CNTNAP2: variants seen among roughly 807,000 people sequenced by gnomAD.
CNTNAP2 encodes contactin-associated protein-like 2.
In CNTNAP2, 98 loss-of-function variants were observed where a neutral mutation model predicts 155.2. That is an observed-to-expected ratio of 0.63 (90% CI 0.54 to 0.75). The LOEUF (loss-of-function observed/expected upper bound fraction) is 0.75, where lower values mean the gene tolerates loss of function less well. CNTNAP2 is among the 30% of genes least tolerant of loss of function. The probability of loss-of-function intolerance (pLI) is 0.00; values close to 1 mark genes in which losing one functional copy is unlikely to be tolerated. For missense variants in CNTNAP2, 1,727 were observed against 1,688.1 expected (o/e 1.02, Z -0.40); for synonymous variants, 651 against 631.2 (o/e 1.03, Z -0.47).
intron 4 of CNTNAP2, among the ~76,000 whole-genome samples, chr7:147,060,592 G>A (rs570041139): frequency 1.3e-5 from 2 of 152,096 alleles, no homozygotes; most frequent in African/African-American, 2.4e-5. Flanking sequence ...GGCCGGGCGC[G>A]GTGGCTCACG....
At chr7:146,947,573 A>G (rs1797212997) in intron 3 of CNTNAP2, among the ~76,000 whole-genome samples, 3 of 25,462 alleles carry the variant, frequency 1.2e-4, no homozygotes, top group African/African-American at 2.3e-4. Flanking sequence ...ATATATATAT[A>G]TACATATATA....
chr7:148,307,113 G>T (rs191942519), intron 21 of CNTNAP2, among the ~76,000 whole-genome samples: 4 of 152,258 alleles, frequency 2.6e-5, no homozygotes, highest in Admixed American at 2.0e-4. Flanking sequence ...GGACTGCGAG[G>T]TTCAAGATTC....
chr7:147,522,252 G>A (rs944396894), intron 11 of CNTNAP2, among the ~76,000 whole-genome samples: 1 of 152,184 alleles, frequency 6.6e-6, no homozygotes, highest in Admixed American at 6.5e-5. Context: ...GAACTTGGAG[G>A]ACACACGAAT....
intron 1 of CNTNAP2, among the ~76,000 whole-genome samples, chr7:146,368,857 T>C (rs1795191523): frequency 6.7e-6 from 1 of 150,326 alleles, no homozygotes; most frequent in South Asian, 2.1e-4. Flanking sequence ...TACATATATA[T>C]ATATATATAG....
chr7:147,563,710 A>T (rs1463894881), intron 12 of CNTNAP2, among the ~76,000 whole-genome samples: 1 of 152,130 alleles, frequency 6.6e-6, no homozygotes, highest in African/African-American at 2.4e-5. Flanking sequence ...CAGCCCATGG[A>T]TCTTCTGGCT....
intron 8 of CNTNAP2, among the ~76,000 whole-genome samples, chr7:147,184,069 G>C (rs941034043): frequency 6.6e-6 from 1 of 152,124 alleles, no homozygotes; most frequent in Non-Finnish European, 1.5e-5. Context: ...AAAATTATTA[G>C]AAGAAAGAGT....
At chr7:146,751,740 T>G (rs973018562) in intron 1 of CNTNAP2, among the ~76,000 whole-genome samples, 10 of 152,032 alleles carry the variant, frequency 6.6e-5, no homozygotes, top group Non-Finnish European at 1.5e-4. Flanking sequence ...AAGCCCCACA[T>G]GCGTTAGGTA....
chr7:147,275,461 C>A (rs1204513387), intron 8 of CNTNAP2, among the ~76,000 whole-genome samples: 9 of 151,256 alleles, frequency 6.0e-5, no homozygotes, highest in South Asian at 2.1e-4. Context: ...AAATTGAGTT[C>A]TTGATTTGGT....
chr7:147,862,814 C>T (rs1034197804), intron 13 of CNTNAP2, among the ~76,000 whole-genome samples: 3 of 151,986 alleles, frequency 2.0e-5, no homozygotes, highest in African/African-American at 7.3e-5. Context: ...ATATAGCTAC[C>T]TCTAGGAATT....
intron 1 of CNTNAP2, among the ~76,000 whole-genome samples, chr7:146,338,498 T>C (rs1442949841): frequency 6.6e-6 from 1 of 152,112 alleles, no homozygotes; most frequent in Non-Finnish European, 1.5e-5. Context: ...CCCATCTAAT[T>C]TTGGAAAACA....
At chr7:148,293,784 C>T (rs1336028032) in intron 21 of CNTNAP2, among the ~76,000 whole-genome samples, 2 of 152,060 alleles carry the variant, frequency 1.3e-5, no homozygotes, top group Non-Finnish European at 2.9e-5. Flanking sequence ...TCTGTAATCC[C>T]AGCACTTTGG....
intron 13 of CNTNAP2, among the ~76,000 whole-genome samples, chr7:147,861,821 G>A (rs1799137905): frequency 6.6e-6 from 1 of 151,964 alleles, no homozygotes; most frequent in African/African-American, 2.4e-5. Context: ...TTCGAGAGCA[G>A]CCTGGGCAAC....
intron 15 of CNTNAP2, among the ~76,000 whole-genome samples, chr7:147,989,509 T>C (rs537648676): frequency 6.6e-6 from 1 of 152,208 alleles, no homozygotes; most frequent in Non-Finnish European, 1.5e-5. Context: ...CCATTTGCTG[T>C]GGAAAAAGTG....
intron 12 of CNTNAP2, among the ~76,000 whole-genome samples, chr7:147,620,694 T>G (rs1801376861): frequency 6.6e-6 from 1 of 151,530 alleles, no homozygotes; most frequent in South Asian, 2.1e-4. Context: ...GCACAGTCAG[T>G]GAAAACAAGA....
At chr7:147,166,985 A>C (rs999911938) in intron 8 of CNTNAP2, among the ~76,000 whole-genome samples, 3 of 152,146 alleles carry the variant, frequency 2.0e-5, no homozygotes, top group African/African-American at 7.2e-5. Context: ...ACCCAGTAGT[A>C]GTTTTGTTAT....
At chr7:146,457,988 A>G (rs1796582145) in intron 1 of CNTNAP2, among the ~76,000 whole-genome samples, 1 of 152,130 alleles carries the variant, frequency 6.6e-6, no homozygotes, top group Non-Finnish European at 1.5e-5. Flanking sequence ...AAGGAACCAA[A>G]TCATATCCTT....
At chr7:146,578,367 G>A (rs1798557711) in intron 1 of CNTNAP2, among the ~76,000 whole-genome samples, 1 of 152,068 alleles carries the variant, frequency 6.6e-6, no homozygotes, top group Admixed American at 6.6e-5. Context: ...ATTATACAAT[G>A]TCTGTTGCTA....
chr7:147,683,892 T>C lies in CNTNAP2; in HGVS notation c.2098+44586T>C, dbSNP rs1584898194. On this transcript the variant is annotated intron_variant, in intron 13 of 23. Transcript: ENST00000361727. ...TTGATGCATGACTAATTACTAATGT[T>C]TCAACAGAGTAAGTCAGATTCAAAT... Among the ~76,000 whole-genome samples, 7 of 151,768 alleles carry C rather than the reference T, an allele frequency of 4.6e-5. 1 individual carries two copies. The Admixed American group carries it at 4.6e-4, about 10-fold the overall frequency.
chr7:147,655,859 T>C lies in CNTNAP2; in HGVS notation c.2098+16553T>C, dbSNP rs147192369. On this transcript the variant is annotated intron_variant, in intron 13 of 23. Transcript: ENST00000361727. ...AAGCCAAGCGTTCACTTTTCCTCTT[T>C]AGCTGTGAGTGTCCTAGATGGCATC... 2.2e-3 allele frequency among the ~76,000 whole-genome samples: 337 copies of C among 152,346 alleles called. 1 individual carries two copies. Among genetic ancestry groups the C allele is most frequent in the African/African-American group, 7.9e-3 (327 of 41,582 alleles).
Sources: allele counts gnomAD v4.1 joint callset (sites outside exome capture counted in the v4.1 genomes callset), GRCh38; gene constraint gnomAD v4.1.1; transcripts MANE v1.5; gene names NCBI Gene and HGNC (gene_info 2026-07-23, HGNC 2026-07-21).